ITPR2: variants seen among roughly 807,000 people sequenced by gnomAD.
ITPR2 encodes inositol 1,4,5-trisphosphate receptor type 2.
Under a neutral mutation model 317.1 loss-of-function variants are expected in ITPR2, and 207 were observed. The ratio of observed to expected loss-of-function variants is 0.65; its 90% CI spans 0.58 to 0.73. The LOEUF is 0.73. Among genes scored for constraint, ITPR2 ranks in the 30% least tolerant of loss-of-function variants. The probability of loss-of-function intolerance (pLI) is 0.00; values close to 1 mark genes in which losing one functional copy is unlikely to be tolerated. For missense variants in ITPR2, 2,613 were observed against 3,284.0 expected (o/e 0.80, Z 4.99); for synonymous variants, 1,156 against 1,149.1 (o/e 1.01, Z -0.12).
chr12:26,757,841 A>G (rs1202064197), intron 2 of ITPR2, among the ~76,000 whole-genome samples: 1 of 152,222 alleles, frequency 6.6e-6, no homozygotes, highest in Non-Finnish European at 1.5e-5. Flanking sequence ...GAAATATCCC[A>G]TACTGTGATA....
At chr12:26,786,286 A>T (rs1317535412) in intron 2 of ITPR2, among the ~76,000 whole-genome samples, 2 of 108,344 alleles carry the variant, frequency 1.8e-5, no homozygotes, top group East Asian at 4.7e-4. Flanking sequence ...CCACTCCCTA[A>T]TCTTAAGTAC....
chr12:26,406,487 T>C (rs1393992399), intron 52 of ITPR2: 2 of 150,790 alleles, frequency 1.3e-5, no homozygotes, highest in Non-Finnish European at 3.0e-5. Flanking sequence ...CTGCGTGAAT[T>C]TTCTGGCGCT....
intron 34 of ITPR2, among the ~76,000 whole-genome samples, chr12:26,566,073 GAGA>G (rs924553302): frequency 1.2e-4 from 16 of 135,040 alleles, no homozygotes; most frequent in Admixed American, 2.2e-4. Flanking sequence ...GAGAGGAAAG[GAGA>G]AGGAGAGGAG....
intron 1 of ITPR2, among the ~76,000 whole-genome samples, chr12:26,821,471 G>A (rs1301348573): frequency 6.6e-6 from 1 of 152,208 alleles, no homozygotes; most frequent in African/African-American, 2.4e-5. Context: ...CCAAAGAGTA[G>A]GTCCTGCTAT....
At chr12:26,815,557 G>A (rs917173589) in intron 1 of ITPR2, among the ~76,000 whole-genome samples, 7 of 152,132 alleles carry the variant, frequency 4.6e-5, no homozygotes, top group Non-Finnish European at 8.8e-5. Flanking sequence ...AGTCAAGGAA[G>A]ATATTGTAAA....
chr12:26,686,737 T>C lies in ITPR2; in HGVS notation c.997-105A>G, dbSNP rs142748580. On this transcript the variant is annotated intron_variant, in intron 10 of 56. Coordinates refer to ENST00000381340, the MANE Select transcript of ITPR2 (RefSeq NM_002223.4). ...ATGTGCATGTTATTTCTTCCTTGGA[T>C]TGAAGAGGTGTCTATTTCACATCAT... The C allele has an allele frequency of 1.4e-3, 1,335 of 986,456 alleles. 11 individuals are homozygous for C. In the African/African-American group the frequency reaches 0.02, roughly 15 times the overall value. 61.1% of individuals were successfully genotyped at this position (986,456 alleles called of 1,614,324 possible). A position where few individuals can be genotyped will look rare whatever the true frequency, so the allele number is the denominator to read the frequency against.
At chr12:26,591,397 C>A (rs1157544562) in intron 32 of ITPR2, among the ~76,000 whole-genome samples, 6 of 152,162 alleles carry the variant, frequency 3.9e-5, no homozygotes, top group Non-Finnish European at 5.9e-5. Flanking sequence ...TCATCTCACC[C>A]CAGTTAAAGT....
At chr12:26,703,719 T>C (rs1948498204) in intron 9 of ITPR2, among the ~76,000 whole-genome samples, 1 of 152,226 alleles carries the variant, frequency 6.6e-6, no homozygotes, top group South Asian at 2.1e-4. Context: ...TCTTTTTCTG[T>C]AAACTAAAAT....
At chr12:26,568,281 T>C (rs1378580406) in intron 34 of ITPR2, among the ~76,000 whole-genome samples, 4 of 151,516 alleles carry the variant, frequency 2.6e-5, no homozygotes, top group African/African-American at 9.7e-5. Flanking sequence ...AAGGATACAC[T>C]GTCAGCAAGT....
Position 26,580,095 on chromosome 12 carries a change from C to A in ITPR2, c.4441G>T (p.Glu1481Ter). 6.2e-7 allele frequency: 1 copy of A among 1,611,438 alleles called. No individual in the cohort carries two copies. The highest frequency in any genetic ancestry group is 8.5e-7 in the Non-Finnish European group (1 of 1,177,756). Residue 1481 changes from glutamate to a stop codon, truncating the protein, a stop_gained, in exon 33 of 57, where the codon GAG (glutamate) becomes TAG (stop). Coordinates refer to ENST00000381340, the MANE Select transcript of ITPR2 (RefSeq NM_002223.4). LOFTEE classifies it high-confidence loss of function. ...CCGCTCACAATATTCATTATTGACT[C>A]AGTAACACACTTTTCCAAAAAGATG... ...ADIFLEKCVT[E>*]SIMNIVSGFF... is the part of the protein sequence containing the mutation.
intron 6 of ITPR2, 105 bp downstream of exon 6, chr12:26,716,039 C>T: frequency 1.3e-6 from 1 of 790,280 alleles, no homozygotes; most frequent in South Asian, 1.7e-5. Context: ...ATTAGAATAA[C>T]TGGGATTATG....
intron 2 of ITPR2, among the ~76,000 whole-genome samples, chr12:26,750,673 C>T (rs1021636820): frequency 6.6e-6 from 1 of 152,154 alleles, no homozygotes; most frequent in African/African-American, 2.4e-5. Context: ...CCAAACAGAT[C>T]CCCTCTCTGT....
intron 48 of ITPR2, among the ~76,000 whole-genome samples, chr12:26,433,173 C>A (rs190129585): frequency 6.6e-6 from 1 of 152,286 alleles, no homozygotes; most frequent in East Asian, 1.9e-4. Context: ...ACCAGATGAC[C>A]CAGACATAAC....
rs998456358 is a variant in ITPR2, at chr12:26,659,159, C to A, written c.1840G>T (p.Glu614Ter). The stretch of plus-strand genomic sequence containing the variant: ...AGTAAACTGACAAATGTTTCTATTT[C>A]TTTTGCTGTGATATGTTTCTCTAGT... ...KLLEKHITAK[E>*]IETFVSLLRR... The change falls in exon 16 of 57, where the codon GAA becomes TAA. Residue 614 changes from glutamate to a stop codon, truncating the protein, a stop_gained. Coordinates refer to ENST00000381340, the MANE Select transcript of ITPR2 (RefSeq NM_002223.4). LOFTEE classifies it high-confidence loss of function. 1.2e-5 allele frequency: 19 copies of A among 1,613,394 alleles called. No homozygotes were observed. The highest frequency in any genetic ancestry group is 1.6e-5 in the Non-Finnish European group (19 of 1,179,722).
chr12:26,570,376 T>A (rs545935547), intron 34 of ITPR2, among the ~76,000 whole-genome samples: 18 of 152,284 alleles, frequency 1.2e-4, no homozygotes, highest in East Asian at 3.9e-4. Flanking sequence ...CAGATTTAAT[T>A]TTTTTAGTAA....
At chr12:26,519,507 A>G (rs1238888383) in intron 37 of ITPR2, among the ~76,000 whole-genome samples, 3 of 152,246 alleles carry the variant, frequency 2.0e-5, no homozygotes, top group Admixed American at 2.0e-4. Flanking sequence ...TAATAAATAG[A>G]TGCTTCTTTA....
In ITPR2 at chr12:26,655,920, C is replaced by T. The variant is rs7309302; in HGVS notation, c.2445-68G>A. 3,763 of 1,435,602 alleles carry T rather than the reference C, an allele frequency of 2.6e-3. 11 individuals are homozygous for T. The highest frequency in any genetic ancestry group is 3.3e-3 in the Non-Finnish European group (3,432 of 1,043,662). The allele number at this position is 1,435,602 out of a possible 1,614,324, so 88.9% of individuals were successfully genotyped here. A position where few individuals can be genotyped will look rare whatever the true frequency, so the allele number is the denominator to read the frequency against. The stretch of plus-strand genomic sequence containing the variant: ...AATCATTTAAAAATAGGAAAACACA[C>T]GTAGTTTCCTGGGTGCATAATCTTG... On this transcript the variant is annotated intron_variant, in intron 19 of 56. Transcript: ENST00000381340.
At position 26,336,398 on chromosome 12, in the gene ITPR2, G is replaced by C. The variant is rs1225517492; in HGVS notation, c.*2999C>G. 2 of 152,166 alleles carry C rather than the reference G, an allele frequency of 1.3e-5. No homozygotes were observed. Among genetic ancestry groups the C allele is most frequent in the African/African-American group, 4.8e-5 (2 of 41,420 alleles). The allele number at this position is 152,166 out of a possible 1,614,324, so 9.4% of individuals were successfully genotyped here. On this transcript the variant is annotated 3_prime_UTR_variant, in exon 57 of 57. Transcript: ENST00000381340. The stretch of plus-strand genomic sequence containing the variant: ...GTTCTGACGAAAGAAATATCTTCCT[G>C]ATGTTATTAACAATCTACTAGAAAT...
At chr12:26,612,896 A>G (rs1946301514) in intron 26 of ITPR2, among the ~76,000 whole-genome samples, 1 of 152,210 alleles carries the variant, frequency 6.6e-6, no homozygotes, top group Non-Finnish European at 1.5e-5. Flanking sequence ...AATACATGCT[A>G]ACTCCTCCCA....
Sources: gnomAD v4.1 joint callset for allele counts (sites outside exome capture counted in the v4.1 genomes callset) on GRCh38, gnomAD v4.1.1 for gene constraint, MANE v1.5 for transcripts, NCBI Gene and HGNC (gene_info 2026-07-23, HGNC 2026-07-21) for gene names.